Variants in PDILT observed in about 807,000 individuals in gnomAD.
The protein encoded by PDILT is protein disulfide-isomerase-like protein of the testis.
In PDILT, 43 loss-of-function variants were observed where a neutral mutation model predicts 53.7. The ratio of observed to expected loss-of-function variants is 0.80; its 90% CI spans 0.63 to 1.03. PDILT has a LOEUF of 1.03. Among genes scored for constraint, PDILT ranks in the 50% least tolerant of loss-of-function variants. PDILT has a pLI of 0.00. For missense variants in PDILT, 727 were observed against 712.3 expected (o/e 1.02, Z -0.24); for synonymous variants, 282 against 274.2 (o/e 1.03, Z -0.28).
chr16:20,398,966 T>C (rs1424370204), intron 2 of PDILT, 133 bp downstream of exon 2: 3 of 958,604 alleles, frequency 3.1e-6, no homozygotes, highest in Non-Finnish European at 4.7e-6. Flanking sequence ...GCTGTCTATA[T>C]ATATTAAATG....
intron 3 of PDILT, among the ~76,000 whole-genome samples, chr16:20,380,994 C>T (rs1019025100): frequency 3.3e-5 from 5 of 152,212 alleles, no homozygotes; most frequent in African/African-American, 4.8e-5. Flanking sequence ...CCAGAGGACA[C>T]GGTGACAACT....
chr16:20,399,424 G>T, intron 1 of PDILT, 117 bp from the exon 2 acceptor site: 3 of 1,094,866 alleles, frequency 2.7e-6, no homozygotes, highest in Non-Finnish European at 4.0e-6. Context: ...CCTGAGCATT[G>T]CCTCCCAGCA....
intron 3 of PDILT, among the ~76,000 whole-genome samples, chr16:20,377,053 C>T (rs957781212): frequency 1.3e-5 from 2 of 152,086 alleles, no homozygotes; most frequent in Non-Finnish European, 2.9e-5. Context: ...GGGAGACTAA[C>T]GCAGGAGAAT....
At chr16:20,385,450 G>A (rs947067974) in intron 2 of PDILT, among the ~76,000 whole-genome samples, 1 of 151,746 alleles carries the variant, frequency 6.6e-6, no homozygotes. Context: ...ATAATGCCTG[G>A]CACAAGTTAA....
chr16:20,365,577 A>G, intron 8 of PDILT, 37 bp from the exon 9 acceptor site: 2 of 1,609,334 alleles, frequency 1.2e-6, no homozygotes, highest in South Asian at 1.1e-5. Flanking sequence ...GAGTCTTCAT[A>G]AAGGGTCTTG....
At chr16:20,399,856 C>T (rs1966707628) in intron 1 of PDILT, among the ~76,000 whole-genome samples, 2 of 151,866 alleles carry the variant, frequency 1.3e-5, no homozygotes, top group African/African-American at 2.4e-5. Flanking sequence ...CTATAATACA[C>T]ACTTGTAAAA....
At position 20,380,379 on chromosome 16, in the gene PDILT, C is replaced by A. The variant is rs1324093135; in HGVS notation, c.410-4178G>T. Among the ~76,000 whole-genome samples, 9 of 151,744 alleles carry A rather than the reference C, an allele frequency of 5.9e-5. No homozygotes were observed. The East Asian group carries it at 1.7e-3, about 29-fold the overall frequency. ...TTGAGATGGAGTCTCACTCTGTTGC[C>A]CAGGCTGGAGTGCGGTGGTGTGATC... On this transcript the variant is annotated intron_variant, in intron 3 of 11. Coordinates refer to ENST00000302451, the MANE Select transcript of PDILT (RefSeq NM_174924.2).
Position 20,361,199 on chromosome 16 carries a change from T to A in PDILT, c.1417-542A>T, listed in dbSNP as rs571292695. Among the ~76,000 whole-genome samples, 92 of 114,720 alleles carry A rather than the reference T, an allele frequency of 8.0e-4. 1 individual carries two copies. The East Asian group carries it at 0.013, about 17-fold the overall frequency. 75.3% of individuals were successfully genotyped at this position (114,720 alleles called of 152,430 possible). A position where few individuals can be genotyped will look rare whatever the true frequency, so the allele number is the denominator to read the frequency against. On this transcript the variant is annotated intron_variant, in intron 10 of 11. Transcript: ENST00000302451. ...ACAAGTTCCCTTTCCTCTTTTTTTT[T>A]TTTTTTATATGGAATCTTGCTCTGT...
At chr16:20,384,898 C>T (rs1233313605) in intron 2 of PDILT, 47 bp from the exon 3 acceptor site, 3 of 1,561,510 alleles carry the variant, frequency 1.9e-6, no homozygotes, top group Admixed American at 1.7e-5. Flanking sequence ...CCTCGCTCCC[C>T]ATCTCCAACA....
Position 20,365,537 on chromosome 16 carries a change from G to T in PDILT, c.1120C>A (p.His374Asn). Residue 374 changes from histidine to asparagine, a missense_variant, in exon 9 of 12, where the codon CAT (histidine) becomes AAT (asparagine). Physicochemically the swap from His to Asn is moderately conservative, Grantham distance 68. Coordinates refer to ENST00000302451, the MANE Select transcript of PDILT (RefSeq NM_174924.2). Reference protein sequence around the residue: ...RSFLSKNATKHQSSEEIPKYW... With the variant: ...RSFLSKNATKNQSSEEIPKYW... Reference sequence around the variant, plus strand: ...TTTGGAATCTCTTCACTGGATTGATGTTTCTAGGAAGCACATTTGAGAGGC... The same window carrying T: ...TTTGGAATCTCTTCACTGGATTGATTTTTCTAGGAAGCACATTTGAGAGGC... 6.2e-7 allele frequency: 1 copy of T among 1,614,116 alleles called. No individual in the cohort carries two copies. The highest frequency in any genetic ancestry group is 8.5e-7 in the Non-Finnish European group (1 of 1,179,976).
intron 3 of PDILT, among the ~76,000 whole-genome samples, chr16:20,380,281 A>T (rs1318322511): frequency 6.6e-6 from 1 of 151,214 alleles, no homozygotes; most frequent in Non-Finnish European, 1.5e-5. Flanking sequence ...CTTTTCTTTT[A>T]GCCAATCACT....
In PDILT at chr16:20,384,767, A is replaced by G. The variant is rs1309877523; in HGVS notation, c.287T>C (p.Ile96Thr). 1 of 1,613,888 alleles carries G rather than the reference A, an allele frequency of 6.2e-7. No homozygotes were observed. The highest frequency in any genetic ancestry group is 2.2e-5 in the East Asian group (1 of 44,894). Residue 96 changes from isoleucine to threonine, a missense_variant, in exon 3 of 12, where the codon ATC (isoleucine) becomes ACC (threonine). Transcript: ENST00000302451. ...GGTAATGTCCACTTTGCCAAAGCCG[A>G]TCCCATTCTTGCCTTTGCCCATGAT... ...VEIMGKGKNG[I>T]GFGKVDITIE...
intron 8 of PDILT, among the ~76,000 whole-genome samples, chr16:20,369,184 GAGA>G (rs1354164785): frequency 6.6e-6 from 1 of 152,234 alleles, no homozygotes; most frequent in East Asian, 1.9e-4. Flanking sequence ...GAGGTGATAG[GAGA>G]AGAAGAGCCT....
At chr16:20,379,188 T>G (rs912985445) in intron 3 of PDILT, among the ~76,000 whole-genome samples, 1 of 151,592 alleles carries the variant, frequency 6.6e-6, no homozygotes, top group African/African-American at 2.4e-5. Context: ...TAATTTTTAT[T>G]TTTTGAGACA....
Position 20,360,561 on chromosome 16 carries a change from C to G in PDILT, c.1506+7G>C. 2 of 1,609,304 alleles carry G rather than the reference C, an allele frequency of 1.2e-6. No homozygotes were observed. The highest frequency in any genetic ancestry group is 1.7e-6 in the Non-Finnish European group (2 of 1,175,640). The stretch of plus-strand genomic sequence containing the variant: ...GAATAATTCAGAGTATTTCTGTTGC[C>G]CCTTACCTCATCCTCATCCTCAATC... On this transcript the variant is annotated splice_region_variant and intron_variant, in intron 11 of 11. Transcript: ENST00000302451.
At chr16:20,375,289 A>G (rs1966368783) in intron 4 of PDILT, among the ~76,000 whole-genome samples, 1 of 152,208 alleles carries the variant, frequency 6.6e-6, no homozygotes, top group Non-Finnish European at 1.5e-5. Context: ...ATTTTACCAC[A>G]TGTAATACAA....
At chr16:20,380,323 C>T (rs918449962) in intron 3 of PDILT, among the ~76,000 whole-genome samples, 1 of 151,886 alleles carries the variant, frequency 6.6e-6, no homozygotes, top group African/African-American at 2.4e-5. Context: ...ATTTTCTTTT[C>T]TTTTATTTTC....
rs1342928605 is a variant in PDILT at position 20,359,215 on chromosome 16, ACCTACCCTACCACAATGATATATGCT to A, written c.*78_*103del. On this transcript the variant is annotated 3_prime_UTR_variant, in exon 12 of 12. Coordinates refer to ENST00000302451, the MANE Select transcript of PDILT (RefSeq NM_174924.2). ...TATTATCCACCCCTACCCCCGCCCC[ACCTACCCTACCACAATGATATATGCT>A]TTTATTGGAATCAATCCATTCAGAA... 2.1e-5 allele frequency: 31 copies of A among 1,495,824 alleles called. No individual in the cohort carries two copies. The highest frequency in any genetic ancestry group is 2.7e-5 in the Non-Finnish European group (30 of 1,116,728). The allele number at this position is 1,495,824 out of a possible 1,614,324, so 92.7% of individuals were successfully genotyped here.
At chr16:20,404,204 T>C (rs1966785337) in intron 1 of PDILT, among the ~76,000 whole-genome samples, 1 of 152,192 alleles carries the variant, frequency 6.6e-6, no homozygotes. Context: ...GCAAACCCCA[T>C]TGGTTCATTT....
Sources: allele counts gnomAD v4.1 joint callset (sites outside exome capture counted in the v4.1 genomes callset), GRCh38; gene constraint gnomAD v4.1.1; transcripts MANE v1.5; gene names NCBI Gene and HGNC (gene_info 2026-07-23, HGNC 2026-07-21).